Variants in PKIB observed in about 807,000 individuals in gnomAD.
The protein encoded by PKIB is cAMP-dependent protein kinase inhibitor beta.
Under a neutral mutation model 4.5 loss-of-function variants are expected in PKIB, and 2 were observed. That is an observed-to-expected ratio of 0.44 (90% CI 0.18 to 1.39). The LOEUF (loss-of-function observed/expected upper bound fraction) is 1.39, where lower values mean the gene tolerates loss of function less well. PKIB is among the 40% of genes most tolerant of loss of function. PKIB has a pLI of 0.27. For missense variants in PKIB, 94 were observed against 92.6 expected (o/e 1.02, Z -0.06); for synonymous variants, 38 against 36.0 (o/e 1.06, Z -0.20).
chr6:122,549,332 A>G (rs1321451189), intron 2 of PKIB, among the ~76,000 whole-genome samples: 1 of 152,106 alleles, frequency 6.6e-6, no homozygotes, highest in Non-Finnish European at 1.5e-5. Context: ...CTGTAAAAAC[A>G]TTTTTTTCCA....
intron 2 of PKIB, among the ~76,000 whole-genome samples, chr6:122,499,172 C>T (rs904346640): frequency 1.3e-5 from 2 of 152,074 alleles, no homozygotes; most frequent in South Asian, 2.1e-4. Flanking sequence ...TAAAACTATT[C>T]CAAAAAACTG....
exon 1 of PKIB, chr6:122,471,938 G>A: frequency 1.6e-6 from 2 of 1,221,004 alleles, no homozygotes; most frequent in Non-Finnish European, 2.2e-6. Context: ...CGCGTCACTA[G>A]ACGACACGGC....
chr6:122,498,288 A>G (rs1404800952), intron 2 of PKIB, among the ~76,000 whole-genome samples: 1 of 152,212 alleles, frequency 6.6e-6, no homozygotes, highest in Non-Finnish European at 1.5e-5. Flanking sequence ...TTGCGCAGGG[A>G]AAGTCCCATT....
At chr6:122,632,878 T>A (rs1775756084) in intron 1 of PKIB, among the ~76,000 whole-genome samples, 1 of 151,662 alleles carries the variant, frequency 6.6e-6, no homozygotes, top group Non-Finnish European at 1.5e-5. Context: ...TTTGAAAATC[T>A]AAAAAAAAAT....
chr6:122,490,658 T>C (rs910437662), intron 2 of PKIB, among the ~76,000 whole-genome samples: 1 of 152,204 alleles, frequency 6.6e-6, no homozygotes, highest in Non-Finnish European at 1.5e-5. Flanking sequence ...TCTTCCACCA[T>C]GAGTGTAAGC....
intron 2 of PKIB, among the ~76,000 whole-genome samples, chr6:122,558,489 A>T (rs570594907): frequency 1.3e-5 from 2 of 152,284 alleles, no homozygotes; most frequent in South Asian, 4.1e-4. Flanking sequence ...TCCAAACCTC[A>T]CATGTTGGAA....
chr6:122,624,360 T>C (rs2114798357), intron 1 of PKIB, among the ~76,000 whole-genome samples: 1 of 152,314 alleles, frequency 6.6e-6, no homozygotes, highest in South Asian at 2.1e-4. Context: ...TCCATCACAT[T>C]CTATGAACAT....
intron 2 of PKIB, among the ~76,000 whole-genome samples, chr6:122,538,022 GT>G (rs1326740682): frequency 6.6e-6 from 1 of 151,960 alleles, no homozygotes; most frequent in Non-Finnish European, 1.5e-5. Context: ...TTTTGATGGG[GT>G]TGTTTGTTTT....
At chr6:122,477,959 A>C (rs1775494563) in intron 2 of PKIB, 1 of 152,184 alleles carries the variant, frequency 6.6e-6, no homozygotes, top group Non-Finnish European at 1.5e-5. Flanking sequence ...TAATTTCTCC[A>C]TAAAGCTTCC....
chr6:122,689,360 C>A (rs946508158), intron 3 of PKIB, among the ~76,000 whole-genome samples: 2 of 151,984 alleles, frequency 1.3e-5, no homozygotes, highest in Non-Finnish European at 2.9e-5. Flanking sequence ...TTGAGTTGAT[C>A]ACTTGAAATT....
intron 2 of PKIB, among the ~76,000 whole-genome samples, chr6:122,532,684 C>A (rs1399283755): frequency 3.9e-5 from 6 of 152,136 alleles, no homozygotes; most frequent in South Asian, 4.1e-4. Context: ...CATGCTGTAG[C>A]GTGTGTTAAT....
intron 2 of PKIB, among the ~76,000 whole-genome samples, chr6:122,565,409 T>C (rs909177918): frequency 1.1e-4 from 16 of 152,198 alleles, no homozygotes; most frequent in Non-Finnish European, 1.5e-5. Flanking sequence ...AGCTCATGGT[T>C]ATTTGAATCT....
chr6:122,571,308 A>G (rs1326465870), intron 2 of PKIB, among the ~76,000 whole-genome samples: 1 of 152,210 alleles, frequency 6.6e-6, no homozygotes, highest in African/African-American at 2.4e-5. Flanking sequence ...AGAGAAGTCT[A>G]AGAGTTTGGA....
At chr6:122,656,952 T>G (rs1776796903) in intron 2 of PKIB, among the ~76,000 whole-genome samples, 1 of 152,224 alleles carries the variant, frequency 6.6e-6, no homozygotes, top group Admixed American at 6.5e-5. Context: ...CCTTTCAGAA[T>G]TGTAAATTGT....
intron 2 of PKIB, chr6:122,479,415 G>A (rs772471194): frequency 4.6e-5 from 7 of 152,122 alleles, no homozygotes; most frequent in African/African-American, 7.2e-5. Context: ...AGTGGCCTAG[G>A]AAACAACATG....
chr6:122,722,945 C>T (rs550015141), intron 4 of PKIB, among the ~76,000 whole-genome samples: 1 of 152,244 alleles, frequency 6.6e-6, no homozygotes, highest in African/African-American at 2.4e-5. Context: ...CTGCTAACAC[C>T]AGTGGTTCAT....
chr6:122,533,516 A>G (rs1777322061), intron 2 of PKIB, among the ~76,000 whole-genome samples: 1 of 152,204 alleles, frequency 6.6e-6, no homozygotes, highest in African/African-American at 2.4e-5. Context: ...TAAAATAAGT[A>G]CTTGGCAAAG....
chr6:122,693,856 T>G (rs1778448199), intron 3 of PKIB, among the ~76,000 whole-genome samples: 1 of 152,150 alleles, frequency 6.6e-6, no homozygotes, highest in Non-Finnish European at 1.5e-5. Flanking sequence ...CAGGGTTGAT[T>G]ATCAGAGTGA....
intron 2 of PKIB, among the ~76,000 whole-genome samples, chr6:122,486,632 A>G (rs1335501506): frequency 6.6e-6 from 1 of 151,260 alleles, no homozygotes; most frequent in African/African-American, 2.4e-5. Context: ...ACTAATGTGT[A>G]TCTCCTTTTA....
Sources: gnomAD v4.1 joint callset for allele counts (sites outside exome capture counted in the v4.1 genomes callset) on GRCh38, gnomAD v4.1.1 for gene constraint, MANE v1.5 for transcripts, NCBI Gene and HGNC (gene_info 2026-07-23, HGNC 2026-07-21) for gene names.